The following WDFY4 variants were observed in gnomAD, a reference collection of about 807,000 sequenced individuals.
WDFY4 encodes WDFY family member 4.
Under a neutral mutation model 351.9 loss-of-function variants are expected in WDFY4, and 169 were observed. The ratio of observed to expected loss-of-function variants is 0.48; its 90% CI spans 0.42 to 0.55. WDFY4 has a LOEUF of 0.55. Ranked by LOEUF, WDFY4 falls within the 20% of genes least tolerant of loss-of-function variation. WDFY4 has a pLI of 0.00. For missense variants in WDFY4, 3,803 were observed against 3,935.6 expected, an observed-to-expected ratio of 0.97 and a Z score of 0.90; for synonymous variants, 1,622 against 1,574.6, an observed-to-expected ratio of 1.03 and a Z score of -0.71.
intron 43 of WDFY4, among the ~76,000 whole-genome samples, chr10:48,882,479 G>A (rs1194470467): frequency 6.6e-6 from 1 of 152,204 alleles, no homozygotes; most frequent in Admixed American, 6.5e-5. Context: ...CTGTGAGGCA[G>A]GTGTGTTAGT....
chr10:48,916,339 A>G lies in WDFY4; in HGVS notation c.7586+14476A>G, dbSNP rs887919846. 1.2e-4 allele frequency among the ~76,000 whole-genome samples: 19 copies of G among 152,280 alleles called. 1 individual carries two copies. The highest frequency in any genetic ancestry group is 4.6e-4 in the African/African-American group (19 of 41,558). On this transcript the variant is annotated intron_variant, in intron 47 of 61. Transcript: ENST00000325239. ...GGAAATGGATTTTTAAGGGTCAGAG[A>G]CAGTAAGGGAAATCTGTTTGGTGTT...
intron 41 of WDFY4, among the ~76,000 whole-genome samples, chr10:48,874,156 A>G (rs2069900988): frequency 6.6e-6 from 1 of 152,234 alleles, no homozygotes; most frequent in Non-Finnish European, 1.5e-5. Context: ...AAATCTCATG[A>G]ACTTGACTGT....
chr10:48,970,375 G>T, intron 57 of WDFY4, 86 bp downstream of exon 57: 1 of 1,488,700 alleles, frequency 6.7e-7, no homozygotes, highest in Non-Finnish European at 8.9e-7. Flanking sequence ...ATGGCACCTG[G>T]GCAGGTGTGG....
rs1407868029 is a variant in WDFY4, at chr10:48,731,504, G to A, written c.1524G>A (p.Gly508=). ...PLFTDIFRDS[G]LLGLLLAQLR... ...TCACCGACATCTTCCGGGACTCAGG[G>A]CTCCTGGGCCTGCTACTGGCACAGC... The change falls in exon 9 of 62, where the codon GGG becomes GGA. Residue 508 remains glycine, a synonymous_variant. Transcript: ENST00000325239. 3.2e-6 allele frequency: 5 copies of A among 1,551,400 alleles called. No homozygotes were observed. The African/African-American group carries it at 5.5e-5, about 17-fold the overall frequency.
chr10:48,902,329 A>T, intron 47 of WDFY4, among the ~76,000 whole-genome samples: 1 of 152,160 alleles, frequency 6.6e-6, no homozygotes, highest in Middle Eastern at 3.2e-3. Context: ...CCAGTGAATG[A>T]ATTGCTTGCA....
chr10:48,810,329 T>C (rs1038304016), intron 28 of WDFY4, among the ~76,000 whole-genome samples: 6 of 152,356 alleles, frequency 3.9e-5, no homozygotes, highest in Admixed American at 2.6e-4. Context: ...ACTGCAACCA[T>C]TAATAGACAA....
chr10:48,859,923 G>A (rs1451830253), intron 39 of WDFY4, among the ~76,000 whole-genome samples: 1 of 152,192 alleles, frequency 6.6e-6, no homozygotes, highest in African/African-American at 2.4e-5. Flanking sequence ...TGGATGAGTC[G>A]TGGTAGTTTG....
chr10:48,937,040 C>CCCA (rs1348966541), intron 47 of WDFY4, among the ~76,000 whole-genome samples: 1 of 151,578 alleles, frequency 6.6e-6, no homozygotes, highest in East Asian at 2.0e-4. Flanking sequence ...ATTACAGGCA[C>CCCA]CCACCACCAC....
intron 1 of WDFY4, among the ~76,000 whole-genome samples, chr10:48,685,715 G>C (rs1365095641): frequency 5.3e-5 from 8 of 152,044 alleles, no homozygotes; most frequent in Non-Finnish European, 1.0e-4. Flanking sequence ...CTAAAGTGTG[G>C]GGGGGCTGGT....
At chr10:48,973,784 A>C (rs1842434216) in intron 57 of WDFY4, among the ~76,000 whole-genome samples, 1 of 152,212 alleles carries the variant, frequency 6.6e-6, no homozygotes, top group African/African-American at 2.4e-5. Context: ...ACAGAGAAGA[A>C]GGCCTCCAGC....
chr10:48,775,877 C>A, intron 15 of WDFY4, 71 bp downstream of exon 15: 1 of 1,363,494 alleles, frequency 7.3e-7, no homozygotes, highest in Non-Finnish European at 1.0e-6. Flanking sequence ...GCTGAGGGAT[C>A]CTTTACAACA....
intron 39 of WDFY4, among the ~76,000 whole-genome samples, chr10:48,856,149 A>G (rs982517949): frequency 3.3e-5 from 5 of 152,136 alleles, no homozygotes; most frequent in African/African-American, 1.2e-4. Context: ...GAGTTCTTAT[A>G]TCTGTTTCTT....
Position 48,743,484 on chromosome 10 carries a change from C to A in WDFY4, c.2395C>A (p.Gln799Lys), listed in dbSNP as rs1203844899. ...RTKQGPVVDV[Q>K]KGETGSDPQR... Reference sequence around the variant, plus strand: ...CAAGCAGGGGCCGGTTGTGGATGTTCAGAAGGGAGAAACTGGCAGTGACCC... The same window carrying A: ...CAAGCAGGGGCCGGTTGTGGATGTTAAGAAGGGAGAAACTGGCAGTGACCC... Residue 799 changes from glutamine (Q) to lysine (K), a missense_variant, in exon 12 of 62, where the codon CAG becomes AAG. Gln to Lys is a moderately conservative substitution (Grantham distance 53, BLOSUM62 1). Coordinates refer to ENST00000325239, the MANE Select transcript of WDFY4 (RefSeq NM_001394531.1). 7 of 1,545,632 alleles carry A rather than the reference C, an allele frequency of 4.5e-6. No individual in the cohort carries two copies. The South Asian group carries it at 7.1e-5, about 16-fold the overall frequency.
In WDFY4 at chr10:48,859,650, A is replaced by G. The variant is rs547668517; in HGVS notation, c.6664-7615A>G. On this transcript the variant is annotated intron_variant, in intron 39 of 61. Transcript: ENST00000325239. ...TAAGAAATTTTGCAGCTATTCGTGA[A>G]CAAATAGTTTTCTCTTTTTTCGTAC... Among the ~76,000 whole-genome samples, 6 of 152,292 alleles carry G rather than the reference A, an allele frequency of 3.9e-5. No homozygotes were observed. The East Asian group carries it at 9.6e-4, about 24-fold the overall frequency.
chr10:48,877,619 C>T (rs761976285), intron 43 of WDFY4, among the ~76,000 whole-genome samples: 9 of 152,186 alleles, frequency 5.9e-5, no homozygotes, highest in Non-Finnish European at 1.3e-4. Context: ...GTTTGGACAC[C>T]CCAACCCATA....
intron 5 of WDFY4, among the ~76,000 whole-genome samples, chr10:48,724,401 G>T (rs2064196281): frequency 6.6e-6 from 1 of 152,140 alleles, no homozygotes; most frequent in South Asian, 2.1e-4. Flanking sequence ...TAGTGCATGA[G>T]TTCTGGCAGG....
chr10:48,968,891 C>T, intron 55 of WDFY4, 173 bp from the exon 56 acceptor site: 1 of 656,866 alleles, frequency 1.5e-6, no homozygotes, highest in Non-Finnish European at 2.6e-6. Flanking sequence ...TGCATAAGTT[C>T]AAGTCCAGTG....
intron 11 of WDFY4, among the ~76,000 whole-genome samples, chr10:48,737,450 A>T (rs1407118051): frequency 1.3e-5 from 2 of 152,206 alleles, no homozygotes; most frequent in Non-Finnish European, 2.9e-5. Context: ...CCTTTTTAAC[A>T]TTTAGAGAAT....
Position 48,962,554 on chromosome 10 carries a change from T to C in WDFY4, c.8224-1288T>C, listed in dbSNP as rs183026609. On this transcript the variant is annotated intron_variant, in intron 53 of 61. Coordinates refer to ENST00000325239, the MANE Select transcript of WDFY4 (RefSeq NM_001394531.1). ...CCTCTTGCTCATGTGTGACACCTGATGAGAATTATTGCCAACCTGGGTCCC... is the reference window on the plus strand; with the variant it reads ...CCTCTTGCTCATGTGTGACACCTGACGAGAATTATTGCCAACCTGGGTCCC... 3.9e-5 allele frequency among the ~76,000 whole-genome samples: 6 copies of C among 152,334 alleles called. No homozygotes were observed. The East Asian group carries it at 1.2e-3, about 29-fold the overall frequency.
Sources: allele counts gnomAD v4.1 joint callset (sites outside exome capture counted in the v4.1 genomes callset), GRCh38; gene constraint gnomAD v4.1.1; transcripts MANE v1.5; gene names NCBI Gene and HGNC (gene_info 2026-07-23, HGNC 2026-07-21).